The following NUP58 variants were observed in gnomAD, a reference collection of about 807,000 sequenced individuals.
The protein encoded by NUP58 is nucleoporin p58/p45.
In NUP58, 17 loss-of-function variants were observed where a neutral mutation model predicts 70.1. The observed-to-expected ratio is 0.24, with a 90% CI of 0.17 to 0.36. The LOEUF (loss-of-function observed/expected upper bound fraction) is 0.36, where lower values mean the gene tolerates loss of function less well. NUP58 is among the 10% of genes least tolerant of loss of function. NUP58 has a pLI of 1.00. For synonymous variants in NUP58, 275 were observed against 257.6 expected, an observed-to-expected ratio of 1.07 and a Z score of -0.65; for missense variants, 644 against 701.5, an observed-to-expected ratio of 0.92 and a Z score of 0.93.
At chr13:25,342,982 A>G (rs1207099434), downstream of NUP58, among the ~76,000 whole-genome samples, 1 of 152,034 alleles carries the variant, frequency 6.6e-6, no homozygotes, top group African/African-American at 2.4e-5. Context: ...GATCTGTTTC[A>G]ACTACTGTGT....
rs73466634 is a variant in NUP58, at chr13:25,301,639, C to G, written c.-135C>G. The G allele has an allele frequency of 2.1e-3, 976 of 464,118 alleles. 5 individuals carry two copies. The highest frequency in any genetic ancestry group is 0.017 in the African/African-American group (838 of 49,428). The allele number at this position is 464,118 out of a possible 1,614,324, so 28.7% of individuals were successfully genotyped here. On this transcript the variant is annotated 5_prime_UTR_variant, in exon 1 of 16. Coordinates refer to ENST00000381736, the MANE Select transcript of NUP58 (RefSeq NM_014089.4). ...TCCACCCCCTCAGCCTTGCCTTCGC[C>G]GCCGTTGGGGCTGGAAGTTCCCGCC...
At position 25,330,572 on chromosome 13, in the gene NUP58, G is replaced by C. The variant is rs775344630; in HGVS notation, c.1234-785G>C. Among the ~76,000 whole-genome samples the C allele has an allele frequency of 4.6e-5, 7 of 152,204 alleles. No homozygotes were observed. In the South Asian group the frequency reaches 1.5e-3, roughly 32 times the overall value. ...AGTGGTTAAAAACCTATCTAAATTA[G>C]GCTAAATCTTCAATGAAAGCATAAA... On this transcript the variant is annotated intron_variant, in intron 12 of 15. Coordinates refer to ENST00000381736, the MANE Select transcript of NUP58 (RefSeq NM_014089.4).
At chr13:25,333,986 G>C in intron 13 of NUP58, 1 of 985,348 alleles carries the variant, frequency 1.0e-6, no homozygotes, top group Non-Finnish European at 1.2e-6. Flanking sequence ...GGTGGCTTCT[G>C]TATCTTTCTC....
At chr13:25,326,882 A>G (rs755968837) in intron 10 of NUP58, 34 bp from the exon 11 acceptor site, 8 of 1,251,892 alleles carry the variant, frequency 6.4e-6, no homozygotes, top group Non-Finnish European at 9.1e-6. Flanking sequence ...AATTAAAAAA[A>G]TATTTGATCT....
downstream of NUP58, among the ~76,000 whole-genome samples, chr13:25,342,765 ACTTCT>A (rs975747199): frequency 1.3e-5 from 2 of 151,924 alleles, no homozygotes; most frequent in East Asian, 1.9e-4. Flanking sequence ...TATAAATGTT[ACTTCT>A]CTTTTCTTTT....
At position 25,338,632 on chromosome 13, in the gene NUP58, C is replaced by T; in HGVS notation, c.1535-4C>T. On this transcript the variant is annotated splice_region_variant and splice_polypyrimidine_tract_variant and intron_variant, in intron 14 of 15. Coordinates refer to ENST00000381736, the MANE Select transcript of NUP58 (RefSeq NM_014089.4). ...TGTATATTTTTCTATTACCCTTCCA[C>T]TAGGATTTGGAACTAGCTCTGGTTT... The T allele has an allele frequency of 6.2e-7, 1 of 1,610,240 alleles. No individual in the cohort carries two copies. The highest frequency in any genetic ancestry group is 8.5e-7 in the Non-Finnish European group (1 of 1,176,714).
At chr13:25,324,952 G>GTTT in intron 9 of NUP58, 37 bp from the exon 10 acceptor site, 1 of 988,482 alleles carries the variant, frequency 1.0e-6, no homozygotes, top group South Asian at 1.4e-5. Flanking sequence ...CTCTTAACTG[G>GTTT]CTTTTTTTTT....
At chr13:25,346,695 G>A (rs1026706738), downstream of NUP58, among the ~76,000 whole-genome samples, 15 of 150,798 alleles carry the variant, frequency 9.9e-5, no homozygotes, top group African/African-American at 3.7e-4. Flanking sequence ...ACTCCAGCCT[G>A]GGCAACAAGA....
intron 13 of NUP58, chr13:25,335,177 T>C (rs754839222): frequency 3.7e-4 from 361 of 984,862 alleles, no homozygotes; most frequent in Middle Eastern, 1.0e-3. Context: ...ACTAAAAATA[T>C]CATGTATCTG....
At chr13:25,322,856 T>C (rs1014879550) in intron 9 of NUP58, among the ~76,000 whole-genome samples, 1 of 152,202 alleles carries the variant, frequency 6.6e-6, no homozygotes, top group South Asian at 2.1e-4. Flanking sequence ...GAGTTAATTA[T>C]GTTTTTATAC....
chr13:25,331,294 T>C, intron 12 of NUP58, 63 bp from the exon 13 acceptor site: 1 of 1,434,722 alleles, frequency 7.0e-7, no homozygotes, highest in Non-Finnish European at 9.8e-7. Flanking sequence ...GTTATATTCA[T>C]CCACATATTA....
At chr13:25,311,999 G>C (rs1295305765) in intron 3 of NUP58, among the ~76,000 whole-genome samples, 1 of 152,150 alleles carries the variant, frequency 6.6e-6, no homozygotes, top group Non-Finnish European at 1.5e-5. Flanking sequence ...CATCAAGATA[G>C]AACTAGACAA....
chr13:25,341,807 T>A lies in NUP58; in HGVS notation c.*1673T>A, dbSNP rs2031965596. 1 of 152,666 alleles carries A rather than the reference T, an allele frequency of 6.6e-6. No individual in the cohort carries two copies. Among genetic ancestry groups the A allele is most frequent in the African/African-American group, 2.4e-5 (1 of 41,466 alleles). 9.5% of individuals were successfully genotyped at this position (152,666 alleles called of 1,614,324 possible). On this transcript the variant is annotated 3_prime_UTR_variant, in exon 16 of 16. Transcript: ENST00000381736. The stretch of plus-strand genomic sequence containing the variant: ...TTTCATTGAAAATAGTTTAATTTTT[T>A]ATATAAAAGGTTTTGTATATAATGT...
intron 13 of NUP58, chr13:25,335,424 A>C (rs755859674): frequency 1.4e-4 from 136 of 985,224 alleles, no homozygotes; most frequent in Non-Finnish European, 1.6e-4. Flanking sequence ...AAGTCTCTCA[A>C]TGTTAAAGAA....
downstream of NUP58, among the ~76,000 whole-genome samples, chr13:25,343,805 G>GTA (rs59054918): frequency 0.028 from 3,841 of 137,550 alleles, 54 homozygotes; most frequent in Non-Finnish European, 0.037. Context: ...ACATATATAT[G>GTA]TATATATATA....
At position 25,309,241 on chromosome 13, in the gene NUP58, C is replaced by A; in HGVS notation, c.251-6C>A. On this transcript the variant is annotated splice_region_variant and splice_polypyrimidine_tract_variant and intron_variant, in intron 2 of 15. Coordinates refer to ENST00000381736, the MANE Select transcript of NUP58 (RefSeq NM_014089.4). ...GATTAAATTTTATTTCTCTTTTTGT[C>A]CCCAGGAATAGCAACAACTATAACT... is the stretch of plus-strand genomic sequence containing the variant. 6.3e-7 allele frequency: 1 copy of A among 1,599,326 alleles called. No homozygotes were observed. Among genetic ancestry groups the A allele is most frequent in the East Asian group, 2.2e-5 (1 of 44,688 alleles).
At chr13:25,308,018 C>A in intron 2 of NUP58, 70 bp downstream of exon 2, 2 of 1,556,406 alleles carry the variant, frequency 1.3e-6, no homozygotes, top group South Asian at 2.3e-5. Context: ...TGTCCTGTAT[C>A]TCTCTTTACA....
chr13:25,308,594 A>G (rs1007799099), intron 2 of NUP58, among the ~76,000 whole-genome samples: 5 of 151,902 alleles, frequency 3.3e-5, no homozygotes, highest in African/African-American at 1.2e-4. Flanking sequence ...TATAGGCCTG[A>G]GTTACCATGC....
chr13:25,306,510 G>A (rs1465671078), intron 1 of NUP58, among the ~76,000 whole-genome samples: 1 of 152,194 alleles, frequency 6.6e-6, no homozygotes, highest in African/African-American at 2.4e-5. Context: ...AGAACATGGG[G>A]GGATTGGTAC....
Sources: allele counts gnomAD v4.1 joint callset (sites outside exome capture counted in the v4.1 genomes callset), GRCh38; gene constraint gnomAD v4.1.1; transcripts MANE v1.5; gene names NCBI Gene and HGNC (gene_info 2026-07-23, HGNC 2026-07-21).